TTC28: variants seen among roughly 807,000 people sequenced by gnomAD.
The protein encoded by TTC28 is tetratricopeptide repeat domain 28.
TTC28 carries 61 observed loss-of-function variants against 198.0 expected under a neutral mutation model. The ratio of observed to expected loss-of-function variants is 0.31; its 90% CI spans 0.25 to 0.38. TTC28 has a LOEUF of 0.38. Among genes scored for constraint, TTC28 ranks in the 10% least tolerant of loss-of-function variants. The probability of loss-of-function intolerance (pLI) is 1.00; values close to 1 mark genes in which losing one functional copy is unlikely to be tolerated. For missense variants in TTC28, 2,678 were observed against 3,164.0 expected (o/e 0.85, Z 3.69); for synonymous variants, 1,171 against 1,297.8 (o/e 0.90, Z 2.10).
In TTC28 at chr22:27,998,969, C is replaced by T. The variant is rs1217081914; in HGVS notation, c.4690G>A (p.Gly1564Ser). 15 of 1,550,528 alleles carry T rather than the reference C, an allele frequency of 9.7e-6. No individual in the cohort carries two copies. Among genetic ancestry groups the T allele is most frequent in the African/African-American group, 2.7e-5 (2 of 73,030 alleles). Residue 1564 changes from glycine to serine, a missense_variant, in exon 16 of 23, where the codon GGC becomes AGC. Gly to Ser is a moderately conservative substitution (Grantham distance 56). Transcript: ENST00000397906. ...SALVLTPSMD[G>S]NPASSKSSFG... is the part of the protein sequence containing the mutation. Reference sequence around the variant, plus strand: ...GAGCTCTTGCTGCTGGCAGGGTTGCCGTCCATGCTGGGCGTGAGGACCAAG... The same window carrying T: ...GAGCTCTTGCTGCTGGCAGGGTTGCTGTCCATGCTGGGCGTGAGGACCAAG...
intron 3 of TTC28, among the ~76,000 whole-genome samples, chr22:28,298,996 T>G (rs1205875182): frequency 6.6e-6 from 1 of 152,194 alleles, no homozygotes; most frequent in East Asian, 1.9e-4. Context: ...TTAATGTTGG[T>G]CTCATTTTAT....
rs1937485942 is a variant in TTC28, at chr22:27,993,416, C to T, written c.5347G>A (p.Ala1783Thr). The T allele has an allele frequency of 1.3e-6, 2 of 1,551,316 alleles. No individual in the cohort carries two copies. Among genetic ancestry groups the T allele is most frequent in the African/African-American group, 1.4e-5 (1 of 73,038 alleles). ...NKVGGIPGWQ[A>T]LLTAVGFRLD... The stretch of plus-strand genomic sequence containing the variant: ...CGGAAGCCCACAGCGGTGAGGAGGG[C>T]CTGCCAGCCAGGGATGCCGCCCACT... The change falls in exon 18 of 23, where the codon GCC becomes ACC. Residue 1783 changes from alanine to threonine, a missense_variant. Physicochemically the swap from Ala to Thr is moderately conservative, Grantham distance 58 (BLOSUM62 0). Coordinates refer to ENST00000397906, the MANE Select transcript of TTC28 (RefSeq NM_001145418.2).
intron 6 of TTC28, among the ~76,000 whole-genome samples, chr22:28,125,706 C>T (rs1942898167): frequency 1.3e-5 from 2 of 152,106 alleles, no homozygotes; most frequent in South Asian, 2.1e-4. Context: ...AGAATTATCA[C>T]CAATCATTAA....
intron 2 of TTC28, among the ~76,000 whole-genome samples, chr22:28,316,626 C>G (rs1308490171): frequency 6.6e-6 from 1 of 152,094 alleles, no homozygotes; most frequent in African/African-American, 2.4e-5. Flanking sequence ...ATTTCATGAG[C>G]ATTTTTTTAG....
Position 28,502,777 on chromosome 22 carries a change from CACAAAAGTGAG to C in TTC28, c.381+126764_381+126774del, listed in dbSNP as rs576277175. ...GATACTGCAAAGATTCTCCAATTTT[CACAAAAGTGAG>C]AGGAAAGGCCTTAAATCCTTAAACC... On this transcript the variant is annotated intron_variant, in intron 2 of 22. Coordinates refer to ENST00000397906, the MANE Select transcript of TTC28 (RefSeq NM_001145418.2). Among the ~76,000 whole-genome samples, 107 of 152,276 alleles carry C rather than the reference CACAAAAGTGAG, an allele frequency of 7.0e-4. 2 individuals are homozygous for C. In the South Asian group the frequency reaches 0.022, roughly 31 times the overall value.
intron 2 of TTC28, among the ~76,000 whole-genome samples, chr22:28,511,799 T>C (rs2146395663): frequency 6.7e-6 from 1 of 150,128 alleles, no homozygotes; most frequent in South Asian, 2.1e-4. Flanking sequence ...GCCTAGGTGA[T>C]ATAGTGAGAC....
At chr22:28,598,898 G>A (rs1483690253) in intron 2 of TTC28, among the ~76,000 whole-genome samples, 2 of 152,282 alleles carry the variant, frequency 1.3e-5, no homozygotes, top group Admixed American at 1.3e-4. Flanking sequence ...ATGATACAGA[G>A]CAGCAAATCT....
chr22:28,136,178 T>G (rs1943196044), intron 6 of TTC28, among the ~76,000 whole-genome samples: 1 of 152,200 alleles, frequency 6.6e-6, no homozygotes, highest in Non-Finnish European at 1.5e-5. Context: ...GGGGTCTCCC[T>G]CTGTTGCTCA....
At chr22:28,487,501 T>G (rs1042803837) in intron 2 of TTC28, among the ~76,000 whole-genome samples, 5 of 152,122 alleles carry the variant, frequency 3.3e-5, no homozygotes, top group Admixed American at 2.0e-4. Flanking sequence ...GACTAGATTT[T>G]GTGTATATTT....
intron 12 of TTC28, among the ~76,000 whole-genome samples, chr22:28,068,753 T>C (rs1286536529): frequency 6.6e-6 from 1 of 152,196 alleles, no homozygotes; most frequent in Non-Finnish European, 1.5e-5. Context: ...AATTATTTCT[T>C]TCATGATGTG....
intron 17 of TTC28, 150 bp from the exon 18 acceptor site, chr22:27,993,668 T>C: frequency 1.4e-6 from 1 of 699,276 alleles, no homozygotes; most frequent in Non-Finnish European, 2.3e-6. Context: ...GATGTGACAC[T>C]GGGGCACTGA....
intron 6 of TTC28, among the ~76,000 whole-genome samples, chr22:28,133,003 C>T (rs1943094933): frequency 6.6e-6 from 1 of 152,150 alleles, no homozygotes; most frequent in Admixed American, 6.5e-5. Context: ...GTGGGCAGAT[C>T]ATTTGAGGTC....
intron 5 of TTC28, among the ~76,000 whole-genome samples, chr22:28,200,769 T>C (rs1193324205): frequency 6.6e-6 from 1 of 152,110 alleles, no homozygotes; most frequent in Non-Finnish European, 1.5e-5. Context: ...ACACTAGAAA[T>C]GGCCTAGGAG....
intron 1 of TTC28, among the ~76,000 whole-genome samples, chr22:28,637,861 G>T (rs1488082208): frequency 6.6e-6 from 1 of 151,858 alleles, no homozygotes; most frequent in African/African-American, 2.4e-5. Context: ...AAAGTGAAGG[G>T]ACAGAAAAGA....
intron 12 of TTC28, among the ~76,000 whole-genome samples, chr22:28,088,992 A>G (rs1451880385): frequency 6.6e-6 from 1 of 152,196 alleles, no homozygotes; most frequent in African/African-American, 2.4e-5. Context: ...TAGAATGGCA[A>G]TCATTAAAAA....
chr22:28,386,148 G>A lies in TTC28; in HGVS notation c.382-79505C>T, dbSNP rs1013509013. Among the ~76,000 whole-genome samples the A allele has an allele frequency of 4.7e-5, 7 of 149,716 alleles. No homozygotes were observed. The South Asian group carries it at 8.6e-4, about 18-fold the overall frequency. On this transcript the variant is annotated intron_variant, in intron 2 of 22. Coordinates refer to ENST00000397906, the MANE Select transcript of TTC28 (RefSeq NM_001145418.2). ...AAAATAGCCGGGCGTAGTGGCGGGC[G>A]CCTGTAGTCCTAGCTACTTGGGAGG...
intron 2 of TTC28, among the ~76,000 whole-genome samples, chr22:28,622,490 AT>A (rs1337460377): frequency 6.6e-6 from 1 of 152,034 alleles, no homozygotes; most frequent in African/African-American, 2.4e-5. Flanking sequence ...GAAAAAAAAA[AT>A]CAACTCTAGA....
chr22:28,083,400 G>C (rs1163883215), intron 12 of TTC28, among the ~76,000 whole-genome samples: 4 of 152,098 alleles, frequency 2.6e-5, no homozygotes, highest in African/African-American at 9.7e-5. Context: ...ACAGTGACAG[G>C]CTCTGACACT....
chr22:27,983,878 G>A, intron 22 of TTC28, 27 bp from the exon 23 acceptor site: 12 of 1,530,828 alleles, frequency 7.8e-6, no homozygotes, highest in Non-Finnish European at 1.1e-5. Context: ...AGGGCCCCAA[G>A]GACAGTTAGA....
Sources: allele counts gnomAD v4.1 joint callset (sites outside exome capture counted in the v4.1 genomes callset), GRCh38; gene constraint gnomAD v4.1.1; transcripts MANE v1.5; gene names NCBI Gene and HGNC (gene_info 2026-07-23, HGNC 2026-07-21).